Variants in CTNNA2 observed in about 807,000 individuals in gnomAD.
The protein encoded by CTNNA2 is catenin alpha 2, also known as catenin alpha-2.
Under a neutral mutation model 101.0 loss-of-function variants are expected in CTNNA2, and 42 were observed. The ratio of observed to expected loss-of-function variants is 0.42; its 90% CI spans 0.32 to 0.54. The LOEUF is 0.54. Among genes scored for constraint, CTNNA2 ranks in the 20% least tolerant of loss-of-function variants. The probability of loss-of-function intolerance (pLI) is 0.14; values close to 1 mark genes in which losing one functional copy is unlikely to be tolerated. For synonymous variants in CTNNA2, 450 were observed against 456.4 expected (o/e 0.99, Z 0.18); for missense variants, 871 against 1,223.1 (o/e 0.71, Z 4.29).
chr2:80,067,759 G>C (rs1355620427), intron 7 of CTNNA2, among the ~76,000 whole-genome samples: 11 of 152,146 alleles, frequency 7.2e-5, no homozygotes, highest in African/African-American at 2.7e-4. Context: ...CCCTCACTCT[G>C]GGGACAGCCA....
At chr2:79,799,327 C>A (rs1348536809) in intron 3 of CTNNA2, among the ~76,000 whole-genome samples, 1 of 151,772 alleles carries the variant, frequency 6.6e-6, no homozygotes, top group Non-Finnish European at 1.5e-5. Flanking sequence ...CCTTTAATTC[C>A]AAACACCACA....
intron 7 of CTNNA2, among the ~76,000 whole-genome samples, chr2:80,011,670 T>G (rs1693795113): frequency 6.6e-6 from 1 of 152,236 alleles, no homozygotes; most frequent in Non-Finnish European, 1.5e-5. Context: ...TTGTTTTAAA[T>G]TATTGGTTTT....
chr2:80,582,221 G>A (rs986784291), intron 14 of CTNNA2, among the ~76,000 whole-genome samples: 2 of 152,152 alleles, frequency 1.3e-5, no homozygotes, highest in African/African-American at 4.8e-5. Context: ...AATGACAAAT[G>A]AGGAATCAGG....
intron 7 of CTNNA2, chr2:80,313,669 G>T (rs1225296654): frequency 1.3e-6 from 2 of 1,587,628 alleles, no homozygotes; most frequent in African/African-American, 2.7e-5. Context: ...GCAGGAGAAG[G>T]GGGTAAGAAA....
intron 2 of CTNNA2, among the ~76,000 whole-genome samples, chr2:79,716,891 A>G (rs17040667): frequency 0.02 from 3,086 of 152,306 alleles, 92 homozygotes; most frequent in East Asian, 0.12. Flanking sequence ...AAACATTGAC[A>G]AAGGCATGAA....
intron 2 of CTNNA2, among the ~76,000 whole-genome samples, chr2:79,216,071 G>A (rs182962150): frequency 4.2e-4 from 64 of 152,138 alleles, no homozygotes; most frequent in Admixed American, 1.2e-3. Flanking sequence ...CAGGCACCTC[G>A]GACCATTTGC....
chr2:80,523,307 C>G (rs191308034), intron 9 of CTNNA2, among the ~76,000 whole-genome samples: 66 of 152,028 alleles, frequency 4.3e-4, no homozygotes, highest in African/African-American at 1.6e-3. Flanking sequence ...AATATGAAGT[C>G]GGTCCCGGTG....
intron 4 of CTNNA2, among the ~76,000 whole-genome samples, chr2:79,385,825 C>T (rs1465314635): frequency 6.6e-6 from 1 of 152,096 alleles, no homozygotes; most frequent in Non-Finnish European, 1.5e-5. Context: ...AGAATGATGG[C>T]ATCCAGCTTC....
At chr2:80,512,149 C>CAAAAAAA (rs59359924) in intron 9 of CTNNA2, among the ~76,000 whole-genome samples, 1 of 73,510 alleles carries the variant, frequency 1.4e-5, no homozygotes, top group Admixed American at 1.8e-4. Context: ...CACTCTGTCT[C>CAAAAAAA]AAAAAAAAAA....
intron 13 of CTNNA2, among the ~76,000 whole-genome samples, chr2:80,580,058 G>C (rs191227656): frequency 1.3e-5 from 2 of 152,154 alleles, no homozygotes; most frequent in Non-Finnish European, 2.9e-5. Flanking sequence ...CCTTACTACC[G>C]TTCGAATTTA....
At chr2:79,789,681 A>G (rs1182137517) in intron 3 of CTNNA2, among the ~76,000 whole-genome samples, 5 of 152,082 alleles carry the variant, frequency 3.3e-5, no homozygotes, top group African/African-American at 9.7e-5. Context: ...CACGTGGCAC[A>G]TTTTTACGGT....
intron 17 of CTNNA2, chr2:80,612,802 A>G (rs1012586752): frequency 5.9e-5 from 9 of 151,374 alleles, no homozygotes; most frequent in Non-Finnish European, 1.3e-4. Context: ...ATCTCCATGG[A>G]TCAAAGTGTA....
intron 3 of CTNNA2, among the ~76,000 whole-genome samples, chr2:79,764,571 C>T (rs766873790): frequency 6.6e-6 from 1 of 152,052 alleles, no homozygotes; most frequent in African/African-American, 2.4e-5. Context: ...AAAAACAATT[C>T]ATCTGTAAGA....
intron 7 of CTNNA2, among the ~76,000 whole-genome samples, chr2:79,958,883 AT>A (rs1282096908): frequency 6.6e-6 from 1 of 151,932 alleles, no homozygotes; most frequent in Non-Finnish European, 1.5e-5. Flanking sequence ...GGATTCATTC[AT>A]TCCTAAATTT....
intron 1 of CTNNA2, among the ~76,000 whole-genome samples, chr2:79,588,169 T>C (rs1676616908): frequency 6.6e-6 from 1 of 152,220 alleles, no homozygotes; most frequent in South Asian, 2.1e-4. Flanking sequence ...TTTACTGAGT[T>C]TTAAGGGTCT....
rs144354480 is a variant in CTNNA2 at position 79,962,076 on chromosome 2, C to T, written c.1056+52279C>T. On this transcript the variant is annotated intron_variant, in intron 7 of 18. Transcript: ENST00000402739. ...CTGCCATGACGAGGCAACCTGAAGC[C>T]ACTGAGGCCTTAAATCAAAGCCATA... Among the ~76,000 whole-genome samples the T allele has an allele frequency of 2.8e-4, 43 of 152,352 alleles. No homozygotes were observed. The East Asian group carries it at 7.7e-3, about 27-fold the overall frequency.
At chr2:80,000,367 C>T (rs1051795455) in intron 7 of CTNNA2, among the ~76,000 whole-genome samples, 3 of 152,046 alleles carry the variant, frequency 2.0e-5, no homozygotes, top group East Asian at 1.9e-4. Flanking sequence ...GAACCTTTGA[C>T]GCAAAGGTGA....
rs1026925158 is a variant in CTNNA2 at position 79,980,795 on chromosome 2, T to G, written c.1056+70998T>G. On this transcript the variant is annotated intron_variant, in intron 7 of 18. Transcript: ENST00000402739. Reference sequence around the variant, plus strand: ...TAGAAATTAATTTAGAAATAAAAGCTGCATGATCATCATTTTGTAGTCACA... The same window carrying G: ...TAGAAATTAATTTAGAAATAAAAGCGGCATGATCATCATTTTGTAGTCACA... Among the ~76,000 whole-genome samples, 102 of 152,314 alleles carry G rather than the reference T, an allele frequency of 6.7e-4. 2 individuals carry two copies. The highest frequency in any genetic ancestry group is 1.5e-5 in the Non-Finnish European group (1 of 68,018).
intron 3 of CTNNA2, among the ~76,000 whole-genome samples, chr2:79,357,829 T>C (rs1677541035): frequency 6.6e-6 from 1 of 152,136 alleles, no homozygotes; most frequent in Non-Finnish European, 1.5e-5. Flanking sequence ...ATTATTAAAA[T>C]TGGAATTCTA....
Sources: gnomAD v4.1 joint callset for allele counts (sites outside exome capture counted in the v4.1 genomes callset) on GRCh38, gnomAD v4.1.1 for gene constraint, MANE v1.5 for transcripts, NCBI Gene and HGNC (gene_info 2026-07-23, HGNC 2026-07-21) for gene names.